ILKAP: variants seen among roughly 807,000 people sequenced by gnomAD.
ILKAP encodes the protein integrin-linked kinase-associated serine/threonine phosphatase 2C.
Under a neutral mutation model 49.1 loss-of-function variants are expected in ILKAP, and 11 were observed. The ratio of observed to expected loss-of-function variants is 0.22; its 90% CI spans 0.14 to 0.37. ILKAP has a LOEUF of 0.37. ILKAP is among the 10% of genes least tolerant of loss of function. The probability of loss-of-function intolerance (pLI) is 1.00; values close to 1 mark genes in which losing one functional copy is unlikely to be tolerated. For missense variants in ILKAP, 363 were observed against 510.8 expected (o/e 0.71, Z 2.79); for synonymous variants, 186 against 192.8 (o/e 0.96, Z 0.29).
At chr2:238,186,325 GGTACA>G (rs1349415443) in intron 5 of ILKAP, 2 of 152,122 alleles carry the variant, frequency 1.3e-5, no homozygotes, top group Non-Finnish European at 2.9e-5. Context: ...ACATAGAAAA[GGTACA>G]GTAAACATGG....
chr2:238,184,729 TTTG>T (rs1426881081), intron 6 of ILKAP, among the ~76,000 whole-genome samples: 7 of 106,046 alleles, frequency 6.6e-5, no homozygotes, highest in African/African-American at 2.2e-4. Context: ...TCCAGTTAGG[TTTG>T]TTTTTTTTTT....
intron 6 of ILKAP, 93 bp from the exon 7 acceptor site, chr2:238,184,206 T>C (rs1472490253): frequency 3.8e-6 from 3 of 795,878 alleles, no homozygotes; most frequent in Admixed American, 3.9e-5. Flanking sequence ...GTTTTATTTT[T>C]TTGAGACGGA....
chr2:238,177,216 G>T (rs1693499495), intron 9 of ILKAP, among the ~76,000 whole-genome samples: 1 of 152,168 alleles, frequency 6.6e-6, no homozygotes, highest in East Asian at 1.9e-4. Flanking sequence ...CAAGAAATAG[G>T]ATGAAGGGGA....
At chr2:238,184,692 CT>C (rs1168668489) in intron 6 of ILKAP, among the ~76,000 whole-genome samples, 1 of 151,374 alleles carries the variant, frequency 6.6e-6, no homozygotes, top group Non-Finnish European at 1.5e-5. Context: ...TCCTGAGCAG[CT>C]GGGACCACAG....
At chr2:238,194,967 G>A (rs1694284796) in intron 1 of ILKAP, 97 bp from the exon 2 acceptor site, 24 of 921,130 alleles carry the variant, frequency 2.6e-5, no homozygotes, top group Non-Finnish European at 4.1e-5. Context: ...TTTGACACAA[G>A]TTTGCTATTA....
chr2:238,195,450 A>G (rs944887327), intron 1 of ILKAP, among the ~76,000 whole-genome samples: 1 of 152,234 alleles, frequency 6.6e-6, no homozygotes, highest in African/African-American at 2.4e-5. Context: ...AGGTAACCAA[A>G]GACAGATAGC....
At chr2:238,175,264 A>T (rs1041368566) in intron 9 of ILKAP, among the ~76,000 whole-genome samples, 3 of 150,854 alleles carry the variant, frequency 2.0e-5, no homozygotes, top group Non-Finnish European at 3.0e-5. Context: ...CCAGGTAAAT[A>T]AAAAAAAAAT....
chr2:238,173,586 C>A lies in ILKAP; in HGVS notation c.904G>T (p.Gly302Cys). 6.2e-7 allele frequency: 1 copy of A among 1,613,980 alleles called. No homozygotes were observed. Among genetic ancestry groups the A allele is most frequent in the Non-Finnish European group, 8.5e-7 (1 of 1,179,936 alleles). The change falls in exon 10 of 12, where the codon GGT becomes TGT. Residue 302 changes from glycine (G) to cysteine (C), a missense_variant. Coordinates refer to ENST00000254654, the MANE Select transcript of ILKAP (RefSeq NM_030768.3). ...CTGATGTCGGGCACAGAGGTGACAC[C>A]GCAGCGCTTGTACTGCCCGTCCCCA... ...SIGDGQYKRCGVTSVPDIRRC... is the reference protein window; with the variant it reads ...SIGDGQYKRCCVTSVPDIRRC...
intron 10 of ILKAP, 67 bp downstream of exon 10, chr2:238,173,467 A>G: frequency 1.3e-6 from 2 of 1,579,712 alleles, no homozygotes; most frequent in Non-Finnish European, 1.7e-6. Flanking sequence ...CTTGATAGAA[A>G]CTGGAAGTGA....
chr2:238,194,129 G>A (rs1694253843), intron 3 of ILKAP, 146 bp downstream of exon 3: 1 of 599,890 alleles, frequency 1.7e-6, no homozygotes, highest in Non-Finnish European at 2.9e-6. Flanking sequence ...CAATTAATGT[G>A]CCTGTTTATA....
chr2:238,187,816 C>T lies in ILKAP; in HGVS notation c.425+315G>A, dbSNP rs1215932659. ...GCTCAGCAGGGCTGCTCAACCGCGACACTACTGACATTCCAGGCTGAACAA... is the reference window on the plus strand; with the variant it reads ...GCTCAGCAGGGCTGCTCAACCGCGATACTACTGACATTCCAGGCTGAACAA... On this transcript the variant is annotated intron_variant, in intron 5 of 11. Coordinates refer to ENST00000254654, the MANE Select transcript of ILKAP (RefSeq NM_030768.3). Among the ~76,000 whole-genome samples the T allele has an allele frequency of 2.0e-5, 3 of 152,202 alleles. 1 individual carries two copies. Among genetic ancestry groups the T allele is most frequent in the African/African-American group, 4.8e-5 (2 of 41,456 alleles).
At chr2:238,185,142 A>G in intron 6 of ILKAP, 39 bp downstream of exon 6, 1 of 1,317,340 alleles carries the variant, frequency 7.6e-7, no homozygotes, top group East Asian at 2.3e-5. Flanking sequence ...AACAGCAATA[A>G]CCAATTTGAG....
rs1693854144 is a variant in ILKAP at position 238,185,194 on chromosome 2, T to C, written c.519A>G (p.Arg173=). The change falls in exon 6 of 12, where the codon AGA becomes AGG. Residue 173 remains arginine (R), a synonymous_variant. Coordinates refer to ENST00000254654, the MANE Select transcript of ILKAP (RefSeq NM_030768.3). ...AAQNLHQNLI[R]KFPKGDVISV... ...TCTCAGTCTCACCTTTAGGAAATTT[T>C]CTGATTAAGTTTTGATGCAAATTCT... 1.9e-6 allele frequency: 3 copies of C among 1,610,028 alleles called. No individual in the cohort carries two copies. In the African/African-American group the frequency reaches 4.0e-5, roughly 22 times the overall value.
rs186738995 is a variant in ILKAP, at chr2:238,172,490, T to C, written c.956+1044A>G. 2.6e-3 allele frequency among the ~76,000 whole-genome samples: 390 copies of C among 152,128 alleles called. 1 individual carries two copies. Among genetic ancestry groups the C allele is most frequent in the African/African-American group, 9.0e-3 (372 of 41,476 alleles). ...TGAGACTCAGACCCTCAATAACCAA[T>C]CACACAGACCCATGACTACAACCCA... On this transcript the variant is annotated intron_variant, in intron 10 of 11. Transcript: ENST00000254654.
Position 238,190,877 on chromosome 2 carries a change from T to TAA in ILKAP, c.179-907_179-906dup, listed in dbSNP as rs57511265. On this transcript the variant is annotated intron_variant, in intron 3 of 11. Coordinates refer to ENST00000254654, the MANE Select transcript of ILKAP (RefSeq NM_030768.3). ...GGCAAAGTAGTAAGACGTTTCTCTT[T>TAA]AAAAAAAAAAAAAAAAAAAAAAAAA... 3.3e-3 allele frequency among the ~76,000 whole-genome samples: 313 copies of TAA among 95,136 alleles called. 8 individuals are homozygous for TAA. Among genetic ancestry groups the TAA allele is most frequent in the East Asian group, 0.024 (56 of 2,376 alleles). 62.4% of individuals were successfully genotyped at this position (95,136 alleles called of 152,430 possible).
intron 9 of ILKAP, among the ~76,000 whole-genome samples, chr2:238,176,245 T>G (rs887735758): frequency 2.0e-5 from 3 of 149,082 alleles, no homozygotes; most frequent in African/African-American, 7.4e-5. Context: ...GTGATCCTCC[T>G]GCCTCAACCT....
intron 10 of ILKAP, 136 bp from the exon 11 acceptor site, chr2:238,171,160 C>CTT (rs370968879): frequency 1.4e-3 from 569 of 398,236 alleles, no homozygotes; most frequent in East Asian, 1.6e-3. Flanking sequence ...TTTCTTTTTT[C>CTT]TTTTTTTTTT....
At chr2:238,202,417 G>T (rs764591220) in intron 1 of ILKAP, among the ~76,000 whole-genome samples, 1 of 152,016 alleles carries the variant, frequency 6.6e-6, no homozygotes, top group Non-Finnish European at 1.5e-5. Flanking sequence ...GTACCCTTCA[G>T]AAAGCAGCTC....
rs963548737 is a variant in ILKAP, at chr2:238,194,340, C to T, written c.122-9G>A. On this transcript the variant is annotated splice_polypyrimidine_tract_variant and intron_variant, in intron 2 of 11. Transcript: ENST00000254654. ...CAAAGGTCCCCCTGATCCTGAAACA[C>T]AGCAGAACACTTAGTGAGCCCACAA... is the stretch of plus-strand genomic sequence containing the variant. 2 of 1,613,746 alleles carry T rather than the reference C, an allele frequency of 1.2e-6. No homozygotes were observed. Among genetic ancestry groups the T allele is most frequent in the African/African-American group, 2.7e-5 (2 of 74,920 alleles).
Sources: gnomAD v4.1 joint callset for allele counts (sites outside exome capture counted in the v4.1 genomes callset) on GRCh38, gnomAD v4.1.1 for gene constraint, MANE v1.5 for transcripts, NCBI Gene and HGNC (gene_info 2026-07-23, HGNC 2026-07-21) for gene names.